Variants in KTN1 observed in about 807,000 individuals in gnomAD.
KTN1 encodes the protein kinectin.
Under a neutral mutation model 222.5 loss-of-function variants are expected in KTN1, and 130 were observed. That is an observed-to-expected ratio of 0.58 (90% CI 0.51 to 0.68). The LOEUF (loss-of-function observed/expected upper bound fraction) is 0.68. Among genes scored for constraint, KTN1 ranks in the 30% least tolerant of loss-of-function variants. The pLI is 0.00. For synonymous variants in KTN1, 512 were observed against 496.3 expected (o/e 1.03, Z -0.42); for missense variants, 1,508 against 1,500.4 (o/e 1.01, Z -0.08).
chr14:55,646,570 T>C (rs1228201868), intron 18 of KTN1, among the ~76,000 whole-genome samples: 26 of 143,386 alleles, frequency 1.8e-4, no homozygotes, highest in Non-Finnish European at 3.9e-4. Context: ...CTCTTTCTCT[T>C]TCTCTTTCCT....
At chr14:55,606,645 A>G (rs1594800370) in intron 1 of KTN1, among the ~76,000 whole-genome samples, 1 of 152,126 alleles carries the variant, frequency 6.6e-6, no homozygotes, top group Non-Finnish European at 1.5e-5. Flanking sequence ...TTAATAGTAT[A>G]CTTATCAAAC....
chr14:55,634,424 G>A, intron 8 of KTN1, 102 bp from the exon 9 acceptor site: 2 of 1,007,340 alleles, frequency 2.0e-6, no homozygotes, highest in Non-Finnish European at 1.4e-6. Flanking sequence ...GCTGTAAATG[G>A]AACTACTAGC....
At chr14:55,676,402 G>T (rs896219183) in intron 41 of KTN1, among the ~76,000 whole-genome samples, 5 of 151,972 alleles carry the variant, frequency 3.3e-5, no homozygotes, top group Non-Finnish European at 7.4e-5. Flanking sequence ...GCATTGGTTT[G>T]ACAGGTTATT....
intron 43 of KTN1, chr14:55,680,796 A>G (rs1327073575): frequency 1.1e-6 from 1 of 937,096 alleles, no homozygotes; most frequent in South Asian, 1.3e-5. Flanking sequence ...ATTCTTCAAC[A>G]TATCAACAAA....
chr14:55,648,939 TAAAAG>T, intron 21 of KTN1, 69 bp downstream of exon 21: 1 of 1,102,944 alleles, frequency 9.1e-7, no homozygotes, highest in African/African-American at 1.6e-5. Flanking sequence ...GTTTTTAAAT[TAAAAG>T]AAACGGGGTC....
intron 19 of KTN1, 105 bp downstream of exon 19, chr14:55,647,112 T>G (rs757355814): frequency 2.6e-5 from 19 of 742,258 alleles, no homozygotes; most frequent in African/African-American, 5.3e-5. Context: ...ATGGAAGAAA[T>G]GTAGTATGCT....
intron 40 of KTN1, chr14:55,674,120 A>G (rs1247373377): frequency 6.6e-6 from 1 of 152,126 alleles, no homozygotes; most frequent in Non-Finnish European, 1.5e-5. Context: ...CCATGTACCA[A>G]GAAAACTTTA....
At chr14:55,665,909 TTTAG>T (rs1268405434) in intron 33 of KTN1, among the ~76,000 whole-genome samples, 4 of 152,006 alleles carry the variant, frequency 2.6e-5, no homozygotes, top group Admixed American at 6.6e-5. Context: ...ACTTTGTTCT[TTTAG>T]TTAGTCTTTT....
Position 55,605,503 on chromosome 14 carries a change from C to T in KTN1, c.-30-6516C>T, listed in dbSNP as rs945970451. On this transcript the variant is annotated intron_variant, in intron 1 of 43. Transcript: ENST00000395314. ...CAAAGAGGTTATGCATTTGTTTCTG[C>T]CACGGGTACTCTGGGCACCACCAGC... Among the ~76,000 whole-genome samples the T allele has an allele frequency of 4.6e-5, 7 of 152,280 alleles. No individual in the cohort carries two copies. The East Asian group carries it at 1.3e-3, about 29-fold the overall frequency.
chr14:55,610,372 G>A (rs968241758), intron 1 of KTN1, among the ~76,000 whole-genome samples: 1 of 151,886 alleles, frequency 6.6e-6, no homozygotes, highest in East Asian at 1.9e-4. Context: ...AAAAATTCAT[G>A]TGTAAGTGTA....
intron 14 of KTN1, 47 bp from the exon 15 acceptor site, chr14:55,640,327 A>C: frequency 7.8e-7 from 1 of 1,277,270 alleles, no homozygotes; most frequent in Non-Finnish European, 1.1e-6. Context: ...ACAAACTTTA[A>C]AATCAGTTGT....
At chr14:55,636,349 A>G in intron 9 of KTN1, 100 bp from the exon 10 acceptor site, 1 of 824,618 alleles carries the variant, frequency 1.2e-6, no homozygotes. Context: ...CAGTTTTATG[A>G]TACAACAGTA....
At chr14:55,672,762 C>A in intron 38 of KTN1, 61 bp downstream of exon 38, 1 of 1,195,490 alleles carries the variant, frequency 8.4e-7, no homozygotes, top group South Asian at 1.3e-5. Context: ...TAACGGTTGT[C>A]TGAAGATCTA....
intron 21 of KTN1, 152 bp from the exon 22 acceptor site, chr14:55,649,624 A>G: frequency 1.8e-6 from 1 of 565,734 alleles, no homozygotes; most frequent in Non-Finnish European, 3.1e-6. Flanking sequence ...TGTTGTCATT[A>G]TTATGACATT....
chr14:55,680,928 G>A (rs2046310454), intron 43 of KTN1: 1 of 359,224 alleles, frequency 2.8e-6, no homozygotes, highest in African/African-American at 2.1e-5. Context: ...TGCTTCCTAG[G>A]GAAACTTCCA....
chr14:55,618,244 A>G, intron 4 of KTN1, 110 bp downstream of exon 4: 1 of 802,882 alleles, frequency 1.2e-6, no homozygotes, highest in Non-Finnish European at 1.8e-6. Context: ...CAAAAGAATC[A>G]AATCCTTGTG....
At chr14:55,586,070 A>C (rs1439781017) in intron 1 of KTN1, among the ~76,000 whole-genome samples, 1 of 152,216 alleles carries the variant, frequency 6.6e-6, no homozygotes, top group Non-Finnish European at 1.5e-5. Flanking sequence ...TGAGTTGTTA[A>C]GGAAACAATC....
intron 37 of KTN1, chr14:55,672,093 G>T: frequency 2.0e-6 from 1 of 489,952 alleles, no homozygotes. Flanking sequence ...TATGACTAAA[G>T]GGTAATCATA....
chr14:55,594,401 CAT>C (rs1204336581), intron 1 of KTN1, among the ~76,000 whole-genome samples: 1 of 151,898 alleles, frequency 6.6e-6, no homozygotes, highest in Non-Finnish European at 1.5e-5. Context: ...ACTCTTTAAG[CAT>C]TGAAATGTGA....
Sources: allele counts gnomAD v4.1 joint callset (sites outside exome capture counted in the v4.1 genomes callset), GRCh38; gene constraint gnomAD v4.1.1; transcripts MANE v1.5; gene names NCBI Gene and HGNC (gene_info 2026-07-23, HGNC 2026-07-21).